Variants in DYSF observed in about 807,000 individuals in gnomAD.
The protein encoded by DYSF is dysferlin.
A neutral mutation model predicts 274.9 loss-of-function variants in DYSF; 212 were observed. The observed-to-expected ratio is 0.77, with a 90% CI of 0.69 to 0.86. The LOEUF (loss-of-function observed/expected upper bound fraction) is 0.86, where lower values mean the gene tolerates loss of function less well. DYSF is among the 40% of genes least tolerant of loss of function. The probability of loss-of-function intolerance (pLI) is 0.00; values close to 1 mark genes in which losing one functional copy is unlikely to be tolerated. For missense variants in DYSF, 2,666 were observed against 2,783.2 expected (o/e 0.96, Z 0.95); for synonymous variants, 1,091 against 1,078.7 (o/e 1.01, Z -0.22).
chr2:71,582,229 C>G (rs928240452), intron 30 of DYSF, among the ~76,000 whole-genome samples: 3 of 151,832 alleles, frequency 2.0e-5, no homozygotes, highest in African/African-American at 7.3e-5. Flanking sequence ...AGCAGAGACC[C>G]TATGGCCCAC....
intron 24 of DYSF, among the ~76,000 whole-genome samples, chr2:71,564,875 G>A (rs565141197): frequency 1.3e-5 from 2 of 152,328 alleles, no homozygotes; most frequent in East Asian, 3.9e-4. Context: ...CTTGGGGAGA[G>A]CCCATCTGTG....
intron 1 of DYSF, chr2:71,454,191 T>TTG: frequency 8.6e-7 from 1 of 1,168,794 alleles, no homozygotes; most frequent in Non-Finnish European, 1.2e-6. Context: ...ACAGGAGACT[T>TTG]TCTGGCCCCG....
Position 71,466,716 on chromosome 2 carries a change from C to T in DYSF, c.-127C>T. On this transcript the variant is annotated 5_prime_UTR_variant, in exon 1 of 56. Transcript: ENST00000410020. ...CATTGGTCACTTCTCCGCGGAGGAG[C>T]AGCGAAGGCGACAGCTCTCTTGGCG... The T allele has an allele frequency of 7.2e-7, 1 of 1,393,830 alleles. No individual in the cohort carries two copies. The highest frequency in any genetic ancestry group is 9.3e-7 in the Non-Finnish European group (1 of 1,073,488). The allele number at this position is 1,393,830 out of a possible 1,614,324, so 86.3% of individuals were successfully genotyped here. A position where few individuals can be genotyped will look rare whatever the true frequency, so the allele number is the denominator to read the frequency against.
rs1489325501 is a variant in DYSF, at chr2:71,638,358, C to T, written c.4528-5607C>T. On this transcript the variant is annotated intron_variant, in intron 41 of 55. Transcript: ENST00000410020. ...AATCCATTTTAGAATATCCTCATCA[C>T]TGCAAAAAAAAAAAAAAAAAGTACT... 7.9e-5 allele frequency among the ~76,000 whole-genome samples: 5 copies of T among 63,126 alleles called. No individual in the cohort carries two copies. The Admixed American group carries it at 9.0e-4, about 11-fold the overall frequency. 41.4% of individuals were successfully genotyped at this position (63,126 alleles called of 152,430 possible).
intron 3 of DYSF, among the ~76,000 whole-genome samples, chr2:71,498,157 G>A (rs1162109420): frequency 1.3e-5 from 2 of 152,204 alleles, no homozygotes; most frequent in African/African-American, 2.4e-5. Context: ...TCAAGTCCCC[G>A]GAAAGGCCTG....
intron 30 of DYSF, among the ~76,000 whole-genome samples, chr2:71,587,264 T>C (rs1476496892): frequency 3.3e-5 from 5 of 152,166 alleles, no homozygotes; most frequent in Non-Finnish European, 7.3e-5. Flanking sequence ...AGGGCTTCCA[T>C]ACCTGTTCAC....
intron 40 of DYSF, among the ~76,000 whole-genome samples, chr2:71,617,778 T>TGG (rs1280354851): frequency 1.7e-5 from 1 of 58,952 alleles, no homozygotes; most frequent in Admixed American, 2.2e-4. Flanking sequence ...GTGGTAGAGG[T>TGG]GGTGTGTGTG....
In DYSF at chr2:71,514,218, C is replaced by G. The variant is rs74365321; in HGVS notation, c.759+297C>G. ...TTTGCATCTCTGATCAGAGAAAAACCTGATTTTTCTAACCAGGGTATATCC... is the reference window on the plus strand; with the variant it reads ...TTTGCATCTCTGATCAGAGAAAAACGTGATTTTTCTAACCAGGGTATATCC... On this transcript the variant is annotated intron_variant, in intron 7 of 55. Transcript: ENST00000410020. 0.11 allele frequency among the ~76,000 whole-genome samples: 17,157 copies of G among 151,000 alleles called. 1,301 individuals are homozygous for G. The highest frequency in any genetic ancestry group is 0.21 in the African/African-American group (8,610 of 41,036).
intron 48 of DYSF, 84 bp from the exon 49 acceptor site, chr2:71,668,670 C>A: frequency 7.5e-7 from 1 of 1,329,318 alleles, no homozygotes; most frequent in South Asian, 1.2e-5. Context: ...TGTTCTGTGC[C>A]CTCAGCATCT....
At chr2:71,509,518 A>T (rs922298220) in intron 4 of DYSF, among the ~76,000 whole-genome samples, 3 of 152,076 alleles carry the variant, frequency 2.0e-5, no homozygotes, top group Admixed American at 2.0e-4. Context: ...TATTGCTTTG[A>T]TGATTGCTAA....
At chr2:71,560,950 C>T (rs968441609) in intron 22 of DYSF, among the ~76,000 whole-genome samples, 3 of 152,136 alleles carry the variant, frequency 2.0e-5, no homozygotes, top group African/African-American at 7.2e-5. Context: ...CAGACTGCCC[C>T]GCCGCATTTC....
chr2:71,598,580 C>G lies in DYSF; in HGVS notation c.3591C>G (p.Val1197=), dbSNP rs755037423. 1.2e-6 allele frequency: 2 copies of G among 1,614,242 alleles called. No individual in the cohort carries two copies. Among genetic ancestry groups the G allele is most frequent in the Non-Finnish European group, 1.7e-6 (2 of 1,180,048 alleles). The part of the protein sequence containing the change: ...KDSFSDPYAI[V]SFLHQSQKTV... ...CCCATGCAGATCCCTATGCCATCGTCTCCTTCCTGCACCAGAGCCAGAAGA... is the reference window on the plus strand; with the variant it reads ...CCCATGCAGATCCCTATGCCATCGTGTCCTTCCTGCACCAGAGCCAGAAGA... The change falls in exon 33 of 56, where the codon GTC becomes GTG. Residue 1197 remains valine (V), a synonymous_variant. Transcript: ENST00000410020.
intron 42 of DYSF, among the ~76,000 whole-genome samples, chr2:71,652,294 C>G (rs2094679416): frequency 6.6e-6 from 1 of 152,182 alleles, no homozygotes; most frequent in Non-Finnish European, 1.5e-5. Context: ...TCAATGTCAA[C>G]AAAAAGAAAC....
At chr2:71,560,424 C>CACAGGGCT (rs1553548277) in intron 22 of DYSF, among the ~76,000 whole-genome samples, 2 of 151,900 alleles carry the variant, frequency 1.3e-5, no homozygotes, top group South Asian at 2.1e-4. Flanking sequence ...CAGGCCCCCG[C>CACAGGGCT]CCCGCTACCC....
intron 40 of DYSF, among the ~76,000 whole-genome samples, chr2:71,618,752 G>A (rs966473373): frequency 3.3e-5 from 5 of 151,738 alleles, no homozygotes; most frequent in South Asian, 2.1e-4. Context: ...TAGAGGTGGT[G>A]GGTGTGTGTC....
At chr2:71,617,722 G>C (rs1460425200) in intron 40 of DYSF, among the ~76,000 whole-genome samples, 2 of 150,310 alleles carry the variant, frequency 1.3e-5, no homozygotes, top group South Asian at 2.1e-4. Flanking sequence ...TGGGGTGTGT[G>C]TGTGGTAGAG....
chr2:71,477,995 AT>A (rs1418105965), intron 1 of DYSF, among the ~76,000 whole-genome samples: 1 of 150,496 alleles, frequency 6.6e-6, no homozygotes, highest in African/African-American at 2.5e-5. Flanking sequence ...CATTAAAGAG[AT>A]TTGCAAAAAT....
intron 55 of DYSF, among the ~76,000 whole-genome samples, chr2:71,685,177 T>C (rs1460523929): frequency 6.6e-6 from 1 of 152,188 alleles, no homozygotes; most frequent in Non-Finnish European, 1.5e-5. Flanking sequence ...TCCTCATCGC[T>C]GTGGGCAGAA....
At chr2:71,596,564 T>C (rs754599692) in intron 32 of DYSF, among the ~76,000 whole-genome samples, 27 of 152,108 alleles carry the variant, frequency 1.8e-4, no homozygotes, top group Non-Finnish European at 3.5e-4. Flanking sequence ...CAGATGCCTC[T>C]GGGCCCTGCC....
Sources: gnomAD v4.1 joint callset for allele counts (sites outside exome capture counted in the v4.1 genomes callset) on GRCh38, gnomAD v4.1.1 for gene constraint, MANE v1.5 for transcripts, NCBI Gene and HGNC (gene_info 2026-07-23, HGNC 2026-07-21) for gene names.